The following SLC24A2 variants were observed in gnomAD, a reference collection of about 807,000 sequenced individuals.
SLC24A2 encodes solute carrier family 24 member 2.
In SLC24A2, 36 loss-of-function variants were observed where a neutral mutation model predicts 62.0. The observed-to-expected ratio is 0.58, with a 90% confidence interval of 0.44 to 0.77. The LOEUF (loss-of-function observed/expected upper bound fraction) is 0.77, where lower values mean the gene tolerates loss of function less well. Ranked by LOEUF, SLC24A2 falls within the 30% of genes least tolerant of loss-of-function variation. The pLI is 0.00. For missense variants in SLC24A2, 846 were observed against 817.9 expected (o/e 1.03, Z -0.42); for synonymous variants, 358 against 294.0 (o/e 1.22, Z -2.23).
the SLC24A2 span, among the ~76,000 whole-genome samples, chr9:20,081,881 A>G: frequency 6.6e-6 from 1 of 152,156 alleles, no homozygotes; most frequent in African/African-American, 2.4e-5. Flanking sequence ...AATTAATGTT[A>G]TTTCCCTAAC....
At chr9:19,716,848 G>C (rs544267577) in intron 2 of SLC24A2, among the ~76,000 whole-genome samples, 18 of 152,214 alleles carry the variant, frequency 1.2e-4, no homozygotes, top group African/African-American at 3.9e-4. Context: ...AATGCTTTCA[G>C]TCTGGTCCAT....
chr9:19,720,433 A>G (rs1240534706), intron 2 of SLC24A2, among the ~76,000 whole-genome samples: 2 of 152,216 alleles, frequency 1.3e-5, no homozygotes, highest in Non-Finnish European at 2.9e-5. Context: ...AAACTGTTCA[A>G]CAATGGCGTG....
At chr9:19,850,654 T>C in the SLC24A2 span, among the ~76,000 whole-genome samples, 1 of 152,078 alleles carries the variant, frequency 6.6e-6, no homozygotes, top group Non-Finnish European at 1.5e-5. Context: ...ACTATGGATC[T>C]GTGCTTTGTT....
At chr9:19,604,037 G>A (rs550002870) in intron 4 of SLC24A2, among the ~76,000 whole-genome samples, 6 of 152,266 alleles carry the variant, frequency 3.9e-5, no homozygotes, top group South Asian at 2.1e-4. Flanking sequence ...GTCATTGTAC[G>A]CATTTTGTTA....
the SLC24A2 span, among the ~76,000 whole-genome samples, chr9:20,103,841 T>C: frequency 6.6e-6 from 1 of 151,958 alleles, no homozygotes; most frequent in Non-Finnish European, 1.5e-5. Flanking sequence ...GGAACAAAGC[T>C]GGATGGAGAA....
chr9:19,684,138 C>T (rs991321450), intron 2 of SLC24A2, among the ~76,000 whole-genome samples: 32 of 152,232 alleles, frequency 2.1e-4, no homozygotes, highest in African/African-American at 7.5e-4. Context: ...CAGGATGCCC[C>T]TGCAGGGCCA....
the SLC24A2 span, among the ~76,000 whole-genome samples, chr9:19,993,664 G>A: frequency 6.6e-6 from 1 of 152,138 alleles, no homozygotes; most frequent in African/African-American, 2.4e-5. Context: ...CTGATAAGCA[G>A]AGCCCACACA....
At chr9:19,672,344 T>C (rs1245650984) in intron 2 of SLC24A2, among the ~76,000 whole-genome samples, 2 of 146,736 alleles carry the variant, frequency 1.4e-5, no homozygotes, top group Admixed American at 6.7e-5. Flanking sequence ...GTATTCCTAG[T>C]AGCCTTGAAT....
chr9:20,280,271 G>A, the SLC24A2 span, among the ~76,000 whole-genome samples: 2 of 152,222 alleles, frequency 1.3e-5, no homozygotes, highest in Non-Finnish European at 2.9e-5. Context: ...CACCACAGAG[G>A]TGGTCCTATC....
chr9:19,652,164 A>G (rs1315736162), intron 2 of SLC24A2, among the ~76,000 whole-genome samples: 1 of 151,986 alleles, frequency 6.6e-6, no homozygotes, highest in African/African-American at 2.4e-5. Context: ...TGACTACTAT[A>G]CTCTCATGTT....
At chr9:19,709,905 A>T (rs900029089) in intron 2 of SLC24A2, among the ~76,000 whole-genome samples, 4 of 152,098 alleles carry the variant, frequency 2.6e-5, no homozygotes, top group African/African-American at 9.7e-5. Context: ...TATAATAATA[A>T]TAAAATAAAA....
Position 19,563,828 on chromosome 9 carries a change from C to CCTTCCTTCCTT in SLC24A2, c.1347+9522_1347+9523insAAGGAAGGAAG, listed in dbSNP as rs1835533447. Among the ~76,000 whole-genome samples the CCTTCCTTCCTT allele has an allele frequency of 7.5e-4, 25 of 33,498 alleles. 1 individual carries two copies. The highest frequency in any genetic ancestry group is 1.1e-3 in the African/African-American group (11 of 10,038). The allele number at this position is 33,498 out of a possible 152,430, so 22.0% of individuals were successfully genotyped here. A position where few individuals can be genotyped will look rare whatever the true frequency, so the allele number is the denominator to read the frequency against. On this transcript the variant is annotated intron_variant, in intron 7 of 10. Coordinates refer to ENST00000341998, the MANE Select transcript of SLC24A2 (RefSeq NM_020344.4). ...TTCCTTCCTTCCTTCCTTCCTTCCT[C>CCTTCCTTCCTT]CCTCCCTCCCTCCCTCCCTCCCTCC...
At chr9:20,054,472 G>A in the SLC24A2 span, among the ~76,000 whole-genome samples, 18 of 152,282 alleles carry the variant, frequency 1.2e-4, no homozygotes, top group Admixed American at 9.2e-4. Context: ...AATTACAGGC[G>A]TGAGCCACTG....
chr9:19,784,422 A>G (rs1190387982), intron 2 of SLC24A2, among the ~76,000 whole-genome samples: 1 of 152,220 alleles, frequency 6.6e-6, no homozygotes, highest in Non-Finnish European at 1.5e-5. Context: ...AGAAAACAAG[A>G]AAGTACTGAG....
At chr9:20,211,977 A>G in the SLC24A2 span, among the ~76,000 whole-genome samples, 1 of 152,104 alleles carries the variant, frequency 6.6e-6, no homozygotes, top group African/African-American at 2.4e-5. Context: ...TGTGTGGGGG[A>G]GGGACTGGAA....
the SLC24A2 span, among the ~76,000 whole-genome samples, chr9:20,170,001 A>G: frequency 1.3e-5 from 2 of 152,042 alleles, no homozygotes; most frequent in African/African-American, 4.8e-5. Flanking sequence ...TCAGAACTTC[A>G]GGAAACAATT....
At chr9:20,279,816 G>A in the SLC24A2 span, among the ~76,000 whole-genome samples, 10 of 152,284 alleles carry the variant, frequency 6.6e-5, no homozygotes, top group East Asian at 3.9e-4. Flanking sequence ...TGTTCCTTCC[G>A]GTGGTTTGCA....
chr9:19,948,792 C>T, the SLC24A2 span, among the ~76,000 whole-genome samples: 2 of 129,250 alleles, frequency 1.5e-5, no homozygotes, highest in Non-Finnish European at 3.1e-5. Flanking sequence ...TTGCAGTGAG[C>T]GGAGATCGCG....
intron 2 of SLC24A2, among the ~76,000 whole-genome samples, chr9:19,651,959 C>T (rs1818814026): frequency 6.6e-6 from 1 of 152,170 alleles, no homozygotes; most frequent in Non-Finnish European, 1.5e-5. Context: ...TTCTTCTCTT[C>T]CATTTGGGCA....
Sources: gnomAD v4.1 joint callset for allele counts (sites outside exome capture counted in the v4.1 genomes callset) on GRCh38, gnomAD v4.1.1 for gene constraint, MANE v1.5 for transcripts, NCBI Gene and HGNC (gene_info 2026-07-23, HGNC 2026-07-21) for gene names.